Variants in RYR1 observed in about 807,000 individuals in gnomAD.
RYR1 encodes the protein central core disease of muscle.
A neutral mutation model predicts 583.5 loss-of-function variants in RYR1; 342 were observed. The observed-to-expected ratio is 0.59, with a 90% CI of 0.54 to 0.64. RYR1 has a LOEUF of 0.64. Among genes scored for constraint, RYR1 ranks in the 30% least tolerant of loss-of-function variants. The pLI is 0.00. For missense variants in RYR1, 6,032 were observed against 6,917.2 expected, an observed-to-expected ratio of 0.87 and a Z score of 4.54; for synonymous variants, 2,791 against 2,822.5, an observed-to-expected ratio of 0.99 and a Z score of 0.35.
intron 90 of RYR1, among the ~76,000 whole-genome samples, chr19:38,562,919 G>C (rs1011624633): frequency 6.6e-6 from 1 of 152,098 alleles, no homozygotes; most frequent in African/African-American, 2.4e-5. Flanking sequence ...ACACTCATCT[G>C]TGCCCCTCGG....
chr19:38,494,449 G>A lies in RYR1; in HGVS notation c.6372G>A (p.Leu2124=). Residue 2124 remains leucine, a synonymous_variant, in exon 39 of 106, where the codon CTG becomes CTA. Transcript: ENST00000359596. ...PELVRAMFSL[L]HRQYDGLGEL... Reference sequence around the variant, plus strand: ...TGGTGCGGGCCATGTTCAGCCTCCTGCACCGGCAGTACGACGGGCTGGGTG... The same window carrying A: ...TGGTGCGGGCCATGTTCAGCCTCCTACACCGGCAGTACGACGGGCTGGGTG... 6.2e-7 allele frequency: 1 copy of A among 1,612,608 alleles called. No homozygotes were observed. The highest frequency in any genetic ancestry group is 2.0e-4 in the Middle Eastern group (1 of 5,038).
rs191970833 is a variant in RYR1 at position 38,469,366 on chromosome 19, C to G, written c.3618C>G (p.Asp1206Glu). Residue 1206 changes from aspartate (D) to glutamate (E), a missense_variant, in exon 27 of 106, where the codon GAC (aspartate) becomes GAG (glutamate). This residue lies in a region of RYR1 where 2,627 missense variants were observed against 2,961.3 expected (regional missense o/e 0.89). Coordinates refer to ENST00000359596, the MANE Select transcript of RYR1 (RefSeq NM_000540.3). ...GQVGHLNLGQ[D>E]VSSLRFFAIC... is the part of the protein sequence containing the mutation. ...TGGGTCATCTGAACCTGGGCCAGGA[C>G]GTGAGCTCTCTGAGGTTCTTTGCCA... is the stretch of plus-strand genomic sequence containing the variant. 2.1e-5 allele frequency: 34 copies of G among 1,613,974 alleles called. No individual in the cohort carries two copies. The highest frequency in any genetic ancestry group is 2.8e-5 in the Non-Finnish European group (33 of 1,180,038).
In RYR1 at chr19:38,517,397, G is replaced by T; in HGVS notation, c.9724G>T (p.Asp3242Tyr). The T allele has an allele frequency of 6.2e-7, 1 of 1,614,024 alleles. No homozygotes were observed. The highest frequency in any genetic ancestry group is 8.5e-7 in the Non-Finnish European group (1 of 1,180,016). The change falls in exon 66 of 106, where the codon GAC becomes TAC. Residue 3242 changes from aspartate (D) to tyrosine (Y), a missense_variant. Transcript: ENST00000359596. ...LPNSVEEMCPDIPVLERLMAD... is the reference protein window; with the variant it reads ...LPNSVEEMCPYIPVLERLMAD... The stretch of plus-strand genomic sequence containing the variant: ...CAACAGTGTGGAGGAGATGTGTCCC[G>T]ACATCCCGGTGCTGGAGCGGCTCAT...
intron 67 of RYR1, among the ~76,000 whole-genome samples, chr19:38,522,589 A>G (rs1399449543): frequency 6.6e-6 from 1 of 151,940 alleles, no homozygotes; most frequent in African/African-American, 2.4e-5. Flanking sequence ...CTCCAGCCTG[A>G]CAGATTGAGA....
intron 17 of RYR1, among the ~76,000 whole-genome samples, 197 bp from the exon 18 acceptor site, chr19:38,457,854 C>G (rs1339831866): frequency 1.3e-5 from 2 of 151,862 alleles, no homozygotes; most frequent in Admixed American, 1.3e-4. Context: ...CTTTCTTTCT[C>G]CCTCTCCCTC....
chr19:38,527,881 TTAAG>T, intron 73 of RYR1, 97 bp downstream of exon 73: 1 of 1,475,866 alleles, frequency 6.8e-7, no homozygotes, highest in East Asian at 2.3e-5. Flanking sequence ...GAGATGACTA[TTAAG>T]TTTTGGGGCA....
At position 38,561,290 on chromosome 19, in the gene RYR1, C is replaced by T. The variant is rs2145831197; in HGVS notation, c.12460C>T (p.Pro4154Ser). ...GCTGACCAACCTGTCGGAGCATGTG[C>T]CGCATGACCCTCGCCTGCACAACTT... The part of the protein sequence containing the change: ...VLLTNLSEHV[P>S]HDPRLHNFLE... Residue 4154 changes from proline to serine, a missense_variant, in exon 90 of 106, where the codon CCG becomes TCG. Coordinates refer to ENST00000359596, the MANE Select transcript of RYR1 (RefSeq NM_000540.3). The surrounding 1 kb of genome is among the most constrained non-coding windows in gnomAD (Gnocchi z 4.8). 1 of 1,614,022 alleles carries T rather than the reference C, an allele frequency of 6.2e-7. No individual in the cohort carries two copies. Among genetic ancestry groups the T allele is most frequent in the Non-Finnish European group, 8.5e-7 (1 of 1,180,040 alleles).
chr19:38,491,683 G>A (rs1337062742), intron 37 of RYR1, among the ~76,000 whole-genome samples: 1 of 152,014 alleles, frequency 6.6e-6, no homozygotes, highest in Non-Finnish European at 1.5e-5. Context: ...GCATGCCTGG[G>A]CCTCCCAAAG....
Position 38,498,986 on chromosome 19 carries a change from C to T in RYR1, c.6892-122C>T, listed in dbSNP as rs999083432. 40 of 1,319,542 alleles carry T rather than the reference C, an allele frequency of 3.0e-5. 1 individual carries two copies. The Middle Eastern group carries it at 9.5e-4, about 31-fold the overall frequency. 81.7% of individuals were successfully genotyped at this position (1,319,542 alleles called of 1,614,324 possible). ...TCTGACAGGACCAGGGCTAATGGGC[C>T]GAGGGATCAGAGCTGAACCGGACTG... On this transcript the variant is annotated intron_variant, in intron 42 of 105. Transcript: ENST00000359596.
intron 90 of RYR1, among the ~76,000 whole-genome samples, chr19:38,562,858 C>A (rs1465667624): frequency 1.3e-5 from 2 of 152,206 alleles, no homozygotes; most frequent in Non-Finnish European, 2.9e-5. Context: ...TGATCCCTCC[C>A]TGGCCCCCGG....
chr19:38,459,714 G>C (rs1967624769), intron 19 of RYR1, among the ~76,000 whole-genome samples: 1 of 151,946 alleles, frequency 6.6e-6, no homozygotes, highest in South Asian at 2.1e-4. Context: ...AGTGGCCTCA[G>C]ACTCTCCCAA....
chr19:38,484,248 C>T lies in RYR1; in HGVS notation c.4934+732C>T, dbSNP rs147529762. 4.3e-3 allele frequency among the ~76,000 whole-genome samples: 660 copies of T among 152,146 alleles called. 4 individuals carry two copies. The highest frequency in any genetic ancestry group is 0.015 in the African/African-American group (627 of 41,514). ...CGGAGGTTGCATTGAGCTAGGATCA[C>T]GCCACTGCACTCCAGCCTGGGCAAC... On this transcript the variant is annotated intron_variant, in intron 33 of 105. Transcript: ENST00000359596.
chr19:38,530,356 C>T (rs760862279), intron 76 of RYR1, among the ~76,000 whole-genome samples: 1 of 151,996 alleles, frequency 6.6e-6, no homozygotes, highest in Non-Finnish European at 1.5e-5. Context: ...CCACATCACC[C>T]CAGGCTCAAG....
chr19:38,445,559 C>T (rs939954815), intron 7 of RYR1, among the ~76,000 whole-genome samples: 2 of 152,098 alleles, frequency 1.3e-5, no homozygotes, highest in Admixed American at 6.6e-5. Context: ...CAAACTCAGA[C>T]CCTGAAACTC....
intron 84 of RYR1, among the ~76,000 whole-genome samples, chr19:38,542,814 C>T (rs145337905): frequency 0.043 from 6,473 of 151,566 alleles, 198 homozygotes; most frequent in Middle Eastern, 0.069. Flanking sequence ...AGCCACCGCT[C>T]CCAGCCTATT....
chr19:38,463,677 T>C, intron 21 of RYR1, 70 bp from the exon 22 acceptor site: 6 of 1,518,562 alleles, frequency 4.0e-6, no homozygotes, highest in South Asian at 2.2e-5. Context: ...AGGTCAGGGG[T>C]CATAGTCTGG....
At chr19:38,464,043 G>A (rs369226545) in intron 22 of RYR1, among the ~76,000 whole-genome samples, 193 bp downstream of exon 22, 3 of 151,936 alleles carry the variant, frequency 2.0e-5, no homozygotes, top group Admixed American at 6.6e-5. Flanking sequence ...TTGGGAGGCC[G>A]AGACGGGTGG....
Position 38,519,421 on chromosome 19 carries a change from A to G in RYR1, c.10226A>G (p.Tyr3409Cys). ...CTCTGCCGGGACCTCTACGCCCTGT[A>G]TCCGCTGCTCATCCGCTACGTGGAC... ...SVLCRDLYAL[Y>C]PLLIRYVDNN... Residue 3409 changes from tyrosine to cysteine, a missense_variant, in exon 67 of 106, where the codon TAT becomes TGT. Tyr to Cys is a radical substitution (Grantham distance 194, BLOSUM62 -2). Coordinates refer to ENST00000359596, the MANE Select transcript of RYR1 (RefSeq NM_000540.3). 6.2e-7 allele frequency: 1 copy of G among 1,601,540 alleles called. No individual in the cohort carries two copies. Among genetic ancestry groups the G allele is most frequent in the Non-Finnish European group, 8.5e-7 (1 of 1,175,082 alleles).
intron 89 of RYR1, among the ~76,000 whole-genome samples, chr19:38,551,960 T>G (rs968348153): frequency 6.6e-6 from 1 of 152,142 alleles, no homozygotes; most frequent in Non-Finnish European, 1.5e-5. Context: ...TTTGTTTTGC[T>G]TCTTTGAGAC....
Sources: gnomAD v4.1 joint callset for allele counts (sites outside exome capture counted in the v4.1 genomes callset) on GRCh38, gnomAD v4.1.1 for gene constraint, gnomAD v4.1.1 regional missense constraint, Gnocchi (gnomAD v3.1) non-coding constraint, MANE v1.5 for transcripts, NCBI Gene and HGNC (gene_info 2026-07-23, HGNC 2026-07-21) for gene names.